TOM1L2: variants seen among roughly 807,000 people sequenced by gnomAD.
The protein encoded by TOM1L2 is TOM1-like protein 2.
TOM1L2 carries 31 observed loss-of-function variants against 67.9 expected under a neutral mutation model. That is an observed-to-expected ratio of 0.46 (90% CI 0.34 to 0.62). The LOEUF is 0.62. Among genes scored for constraint, TOM1L2 ranks in the 20% least tolerant of loss-of-function variants. The probability of loss-of-function intolerance (pLI) is 0.01; values close to 1 mark genes in which losing one functional copy is unlikely to be tolerated. For synonymous variants in TOM1L2, 256 were observed against 254.0 expected, an observed-to-expected ratio of 1.01 and a Z score of -0.07; for missense variants, 606 against 663.5, an observed-to-expected ratio of 0.91 and a Z score of 0.95.
chr17:17,855,033 A>G (rs540613057), intron 12 of TOM1L2, among the ~76,000 whole-genome samples: 78 of 152,290 alleles, frequency 5.1e-4, no homozygotes, highest in African/African-American at 1.9e-3. Flanking sequence ...GAAGATAGGT[A>G]GGCCAGGCTG....
chr17:17,868,007 A>AC (rs58166931), intron 8 of TOM1L2, among the ~76,000 whole-genome samples: 2,649 of 152,302 alleles, frequency 0.017, 37 homozygotes, highest in Non-Finnish European at 0.025. Context: ...TTGCCTCTGA[A>AC]TTATGTGTAA....
chr17:17,933,351 C>T (rs936096413), intron 1 of TOM1L2, among the ~76,000 whole-genome samples: 1 of 152,212 alleles, frequency 6.6e-6, no homozygotes, highest in Non-Finnish European at 1.5e-5. Flanking sequence ...CTGTGTCATA[C>T]AGTCACCCCT....
At chr17:17,908,872 A>C (rs2039216469) in intron 1 of TOM1L2, among the ~76,000 whole-genome samples, 1 of 152,216 alleles carries the variant, frequency 6.6e-6, no homozygotes, top group South Asian at 2.1e-4. Flanking sequence ...TATGGAAAAC[A>C]GGACGGTAGT....
intron 1 of TOM1L2, among the ~76,000 whole-genome samples, chr17:17,968,390 G>C (rs2041943242): frequency 6.6e-6 from 1 of 152,226 alleles, no homozygotes; most frequent in South Asian, 2.1e-4. Flanking sequence ...CTTTGGGCCG[G>C]GCGCAATGGC....
intron 1 of TOM1L2, among the ~76,000 whole-genome samples, chr17:17,911,861 C>T (rs1411861110): frequency 6.1e-5 from 9 of 147,258 alleles, no homozygotes; most frequent in Admixed American, 4.8e-4. Context: ...CGACTCTTAA[C>T]GAGCATGCTG....
chr17:17,956,805 C>T (rs2041476323), intron 1 of TOM1L2, among the ~76,000 whole-genome samples: 1 of 152,244 alleles, frequency 6.6e-6, no homozygotes, highest in South Asian at 2.1e-4. Flanking sequence ...AGAACTCGCG[C>T]TGGCCCGCAA....
rs567846872 is a variant in TOM1L2 at position 17,884,355 on chromosome 17, C to T, written c.501+279G>A. The stretch of plus-strand genomic sequence containing the variant: ...CCTCTGAAAAGCAGGTGCTAATGAC[C>T]CTCACAGGATGGCTCCGCCCAAGTA... On this transcript the variant is annotated intron_variant, in intron 5 of 14. Transcript: ENST00000379504. 8.5e-5 allele frequency among the ~76,000 whole-genome samples: 13 copies of T among 152,230 alleles called. No homozygotes were observed. In the East Asian group the frequency reaches 1.5e-3, roughly 18 times the overall value.
intron 6 of TOM1L2, 126 bp downstream of exon 6, chr17:17,882,579 C>T: frequency 7.7e-7 from 1 of 1,294,308 alleles, no homozygotes; most frequent in Non-Finnish European, 1.1e-6. Context: ...GGGATTGAGC[C>T]CTTCCATCTC....
At chr17:17,851,791 C>T (rs999259300) in intron 12 of TOM1L2, among the ~76,000 whole-genome samples, 2 of 152,144 alleles carry the variant, frequency 1.3e-5, no homozygotes, top group African/African-American at 4.8e-5. Flanking sequence ...AGCACTGGGG[C>T]GCAGCAGCCA....
chr17:17,890,448 GA>G (rs2038217757), intron 4 of TOM1L2, among the ~76,000 whole-genome samples: 1 of 152,176 alleles, frequency 6.6e-6, no homozygotes, highest in Non-Finnish European at 1.5e-5. Context: ...ATATGCTCAA[GA>G]AAAGTCAAGT....
chr17:17,959,758 A>C (rs913787156), intron 1 of TOM1L2, among the ~76,000 whole-genome samples: 1 of 152,238 alleles, frequency 6.6e-6, no homozygotes, highest in African/African-American at 2.4e-5. Flanking sequence ...GAGATGAAAG[A>C]ATCAGTCTCT....
At position 17,913,415 on chromosome 17, in the gene TOM1L2, G is replaced by A. The variant is rs560337039; in HGVS notation, c.53-5884C>T. On this transcript the variant is annotated intron_variant, in intron 1 of 14. Transcript: ENST00000379504. ...AGCAGATGCCGGGCCATCCTGCCCC[G>A]GCTCTAAGCCCAGCCCCAGGCCAGG... Among the ~76,000 whole-genome samples the A allele has an allele frequency of 3.8e-3, 576 of 152,054 alleles. 3 individuals are homozygous for A. Among genetic ancestry groups the A allele is most frequent in the African/African-American group, 0.013 (530 of 41,466 alleles).
chr17:17,962,563 C>T (rs1392063933), intron 1 of TOM1L2, among the ~76,000 whole-genome samples: 3 of 152,078 alleles, frequency 2.0e-5, no homozygotes, highest in Non-Finnish European at 4.4e-5. Context: ...ATCCACCCGC[C>T]TCGGCCTCCC....
At chr17:17,871,436 G>A (rs2037151262) in intron 7 of TOM1L2, among the ~76,000 whole-genome samples, 3 of 152,168 alleles carry the variant, frequency 2.0e-5, no homozygotes, top group Non-Finnish European at 2.9e-5. Context: ...TTGGGAGGCC[G>A]AGGCAGGCGG....
chr17:17,877,763 G>A (rs900389843), intron 7 of TOM1L2, among the ~76,000 whole-genome samples: 18 of 151,988 alleles, frequency 1.2e-4, no homozygotes, highest in African/African-American at 9.7e-5. Context: ...TGGGAGGCTT[G>A]GAGTTGGAAC....
At chr17:17,850,166 C>CA (rs1466522222) in intron 13 of TOM1L2, among the ~76,000 whole-genome samples, 11 of 152,312 alleles carry the variant, frequency 7.2e-5, no homozygotes, top group African/African-American at 2.6e-4. Context: ...CCCCATGACT[C>CA]TGGGCAAGCC....
intron 7 of TOM1L2, 50 bp downstream of exon 7, chr17:17,879,577 C>A: frequency 7.0e-7 from 1 of 1,429,714 alleles, no homozygotes; most frequent in South Asian, 1.1e-5. Context: ...CAACAGTGTA[C>A]GGTGGAAGAG....
At chr17:17,871,218 A>C (rs2037135876) in intron 7 of TOM1L2, among the ~76,000 whole-genome samples, 1 of 152,004 alleles carries the variant, frequency 6.6e-6, no homozygotes, top group Non-Finnish European at 1.5e-5. Flanking sequence ...AAAACACAAA[A>C]AATTAGCCGG....
In TOM1L2 at chr17:17,915,591, T is replaced by C. The variant is rs147850951; in HGVS notation, c.53-8060A>G. Among the ~76,000 whole-genome samples, 139 of 152,218 alleles carry C rather than the reference T, an allele frequency of 9.1e-4. 1 individual carries two copies. The highest frequency in any genetic ancestry group is 3.0e-3 in the African/African-American group (123 of 41,530). On this transcript the variant is annotated intron_variant, in intron 1 of 14. Transcript: ENST00000379504. ...GGCCCAATCATAGCAGCATAGCTCA[T>C]TGCAACCTTGAAATCCTGGTCTCAA... is the stretch of plus-strand genomic sequence containing the variant.
Sources: allele counts gnomAD v4.1 joint callset (sites outside exome capture counted in the v4.1 genomes callset), GRCh38; gene constraint gnomAD v4.1.1; transcripts MANE v1.5; gene names NCBI Gene and HGNC (gene_info 2026-07-23, HGNC 2026-07-21).